The following ETFA variants were observed in gnomAD, a reference collection of about 807,000 sequenced individuals.
ETFA encodes the protein electron transfer flavoprotein subunit alpha, mitochondrial.
Under a neutral mutation model 46.2 loss-of-function variants are expected in ETFA, and 22 were observed. The ratio of observed to expected loss-of-function variants is 0.48; its 90% CI spans 0.34 to 0.68. The LOEUF (loss-of-function observed/expected upper bound fraction) is 0.68, where lower values mean the gene tolerates loss of function less well. Ranked by LOEUF, ETFA falls within the 30% of genes least tolerant of loss-of-function variation. The pLI is 0.01. For synonymous variants in ETFA, 131 were observed against 139.9 expected (o/e 0.94, Z 0.45); for missense variants, 345 against 401.1 (o/e 0.86, Z 1.19).
intron 1 of ETFA, among the ~76,000 whole-genome samples, chr15:76,297,398 A>T (rs2039835516): frequency 6.6e-6 from 1 of 151,386 alleles, no homozygotes; most frequent in African/African-American, 2.4e-5. Context: ...AATTAAAAAT[A>T]AAAAATAATT....
intron 9 of ETFA, among the ~76,000 whole-genome samples, chr15:76,250,668 G>A (rs1460762526): frequency 6.6e-6 from 1 of 151,800 alleles, no homozygotes; most frequent in Non-Finnish European, 1.5e-5. Flanking sequence ...GAGTAGCTGG[G>A]ACTACAGCTA....
chr15:76,231,186 C>T (rs2039063050), intron 10 of ETFA, 147 bp downstream of exon 10: 5 of 679,234 alleles, frequency 7.4e-6, no homozygotes, highest in South Asian at 1.7e-5. Context: ...AGGCAGTGAA[C>T]GGTAGCTTTT....
chr15:76,259,240 T>C, intron 9 of ETFA: 2 of 1,553,296 alleles, frequency 1.3e-6, no homozygotes, highest in Non-Finnish European at 1.8e-6. Context: ...GCTCTCTCGA[T>C]GTTGATGTAT....
chr15:76,283,171 T>C (rs1297103085), intron 8 of ETFA, among the ~76,000 whole-genome samples: 2 of 152,178 alleles, frequency 1.3e-5, no homozygotes, highest in East Asian at 3.8e-4. Flanking sequence ...AAGTAGGCAC[T>C]GAAACTAACA....
In ETFA at chr15:76,296,339, A is replaced by G. The variant is rs867498216; in HGVS notation, c.40-602T>C. On this transcript the variant is annotated intron_variant, in intron 1 of 11. Transcript: ENST00000557943. ...ATTACTTCAAAACAACTTTCCCACT[A>G]ATCTACATCTGATAAGAAACTACTA... is the stretch of plus-strand genomic sequence containing the variant. Among the ~76,000 whole-genome samples, 6 of 152,162 alleles carry G rather than the reference A, an allele frequency of 3.9e-5. No homozygotes were observed. In the South Asian group the frequency reaches 1.0e-3, roughly 26 times the overall value.
In ETFA at chr15:76,271,161, CTA is replaced by C. The variant is rs375257769; in HGVS notation, c.816+3249_816+3250del. 6.5e-3 allele frequency among the ~76,000 whole-genome samples: 846 copies of C among 129,716 alleles called. 8 individuals carry two copies. Among genetic ancestry groups the C allele is most frequent in the African/African-American group, 0.024 (802 of 33,540 alleles). The allele number at this position is 129,716 out of a possible 152,430, so 85.1% of individuals were successfully genotyped here. On this transcript the variant is annotated intron_variant, in intron 9 of 11. Transcript: ENST00000557943. ...CTCCAGCCTCAGCGACAGAGCGAGA[CTA>C]TGTCTCAAAAAAAAAAAAAAAAAAA...
chr15:76,253,108 A>T (rs1306641942), intron 9 of ETFA, among the ~76,000 whole-genome samples: 1 of 152,114 alleles, frequency 6.6e-6, no homozygotes, highest in African/African-American at 2.4e-5. Context: ...ACTTTTCGTA[A>T]GTCTGAAATC....
At chr15:76,307,690 C>A (rs560146530) in intron 1 of ETFA, among the ~76,000 whole-genome samples, 43 of 151,826 alleles carry the variant, frequency 2.8e-4, no homozygotes, top group Admixed American at 1.1e-3. Context: ...CGCCATGTTG[C>A]GCAGGCTGGT....
intron 4 of ETFA, among the ~76,000 whole-genome samples, chr15:76,288,569 G>A (rs2039723183): frequency 1.3e-5 from 2 of 152,010 alleles, no homozygotes; most frequent in Admixed American, 6.6e-5. Flanking sequence ...AGCCGGGGAT[G>A]GTGGTGTATG....
At chr15:76,242,687 A>G (rs2039204158) in intron 9 of ETFA, among the ~76,000 whole-genome samples, 2 of 152,260 alleles carry the variant, frequency 1.3e-5, no homozygotes, top group African/African-American at 4.8e-5. Context: ...CAAAATGTTT[A>G]CAGATGACTG....
chr15:76,227,982 A>G, intron 10 of ETFA: 1 of 456,066 alleles, frequency 2.2e-6, no homozygotes. Flanking sequence ...CCTCAAATCC[A>G]AAGGCACAAG....
chr15:76,258,943 C>G (rs2039374115), intron 9 of ETFA: 1 of 1,368,876 alleles, frequency 7.3e-7, no homozygotes. Flanking sequence ...GCACAGTGGC[C>G]ATCAGAGCCA....
chr15:76,305,909 C>G (rs2039935083), intron 1 of ETFA, among the ~76,000 whole-genome samples: 1 of 144,158 alleles, frequency 6.9e-6, no homozygotes. Flanking sequence ...GAGACTGGGT[C>G]TTGCTTGCTA....
At chr15:76,262,138 C>T (rs1390241149) in intron 9 of ETFA, among the ~76,000 whole-genome samples, 1 of 151,520 alleles carries the variant, frequency 6.6e-6, no homozygotes, top group East Asian at 1.9e-4. Flanking sequence ...TAAGAAAGTC[C>T]CTGGATAGGT....
chr15:76,308,604 A>G (rs2039959606), intron 1 of ETFA, among the ~76,000 whole-genome samples: 1 of 152,218 alleles, frequency 6.6e-6, no homozygotes, highest in African/African-American at 2.4e-5. Flanking sequence ...CAATGTCATC[A>G]AACCCAAAGG....
intron 9 of ETFA, among the ~76,000 whole-genome samples, chr15:76,272,868 G>C (rs1159929278): frequency 6.7e-6 from 1 of 149,424 alleles, no homozygotes; most frequent in African/African-American, 2.5e-5. Context: ...TGTCAAGGAA[G>C]GCTCAAGCTC....
At chr15:76,296,063 C>T (rs1046818759) in intron 1 of ETFA, among the ~76,000 whole-genome samples, 8 of 150,566 alleles carry the variant, frequency 5.3e-5, no homozygotes, top group African/African-American at 2.0e-4. Flanking sequence ...CTCCCGCCTC[C>T]GCCTCCTGAG....
chr15:76,236,955 C>A (rs1376097821), intron 9 of ETFA, among the ~76,000 whole-genome samples: 7 of 151,900 alleles, frequency 4.6e-5, no homozygotes, highest in Admixed American at 2.0e-4. Context: ...ATATGTGAGT[C>A]AAAAAAATTA....
At chr15:76,285,534 A>T in intron 7 of ETFA, 103 bp downstream of exon 7, 1 of 720,404 alleles carries the variant, frequency 1.4e-6, no homozygotes, top group South Asian at 1.6e-5. Context: ...CCAACTTCTT[A>T]CATTTGAAAA....
Sources: gnomAD v4.1 joint callset for allele counts (sites outside exome capture counted in the v4.1 genomes callset) on GRCh38, gnomAD v4.1.1 for gene constraint, MANE v1.5 for transcripts, NCBI Gene and HGNC (gene_info 2026-07-23, HGNC 2026-07-21) for gene names.